The following GFOD1 variants were observed in gnomAD, a reference collection of about 807,000 sequenced individuals.
The protein encoded by GFOD1 is glucose-fructose oxidoreductase domain-containing protein 1.
GFOD1 carries 9 observed loss-of-function variants against 25.4 expected under a neutral mutation model. The observed-to-expected ratio is 0.35, with a 90% CI of 0.21 to 0.62. The LOEUF (loss-of-function observed/expected upper bound fraction) is 0.62, where lower values mean the gene tolerates loss of function less well. Ranked by LOEUF, GFOD1 falls within the 20% of genes least tolerant of loss-of-function variation. GFOD1 has a pLI of 0.72. For synonymous variants in GFOD1, 253 were observed against 245.6 expected, an observed-to-expected ratio of 1.03 and a Z score of -0.28; for missense variants, 403 against 556.9, an observed-to-expected ratio of 0.72 and a Z score of 2.78.
At chr6:13,462,092 GTCACTTCCTCAGAC>G (rs1161028975) in intron 1 of GFOD1, among the ~76,000 whole-genome samples, 1 of 152,202 alleles carries the variant, frequency 6.6e-6, no homozygotes, top group Non-Finnish European at 1.5e-5. Context: ...CAAGTGAAGA[GTCACTTCCTCAGAC>G]TGTAGTGGTA....
chr6:13,469,745 A>G (rs1584670342), intron 1 of GFOD1: 1 of 1,159,240 alleles, frequency 8.6e-7, no homozygotes, highest in East Asian at 5.9e-5. Flanking sequence ...AAAATAATAC[A>G]TGTCACAGAA....
chr6:13,364,120 G>A lies in GFOD1; in HGVS notation c.*623C>T, dbSNP rs1784993125. On this transcript the variant is annotated 3_prime_UTR_variant, in exon 2 of 2. Coordinates refer to ENST00000379287, the MANE Select transcript of GFOD1 (RefSeq NM_018988.4). This position sits in a 1 kb window ranked among gnomAD's most constrained non-coding sequence, Gnocchi z 4.1. ...AACCAAGTACAAAGACACACCCTCA[G>A]TGCTTCCTATGAGGAAGCCCAATCA... 6.6e-6 allele frequency: 1 copy of A among 152,460 alleles called. No individual in the cohort carries two copies. Among genetic ancestry groups the A allele is most frequent in the South Asian group, 2.1e-4 (1 of 4,830 alleles). The allele number at this position is 152,460 out of a possible 1,614,324, so 9.4% of individuals were successfully genotyped here.
intron 1 of GFOD1, chr6:13,470,333 A>C: frequency 1.3e-6 from 2 of 1,568,628 alleles, no homozygotes; most frequent in African/African-American, 2.7e-5. Flanking sequence ...ATGTGCAGCT[A>C]AATCTCAGTT....
chr6:13,387,408 G>C (rs1040207824), intron 1 of GFOD1, among the ~76,000 whole-genome samples: 1 of 152,142 alleles, frequency 6.6e-6, no homozygotes, highest in African/African-American at 2.4e-5. Flanking sequence ...ACATCAAAAA[G>C]CTTATCCACC....
intron 1 of GFOD1, among the ~76,000 whole-genome samples, chr6:13,371,927 G>A (rs1785162386): frequency 1.3e-5 from 2 of 152,232 alleles, no homozygotes; most frequent in African/African-American, 2.4e-5. Context: ...GTGACCACGG[G>A]TGAGTGGCAG....
intron 1 of GFOD1, chr6:13,486,203 C>G: frequency 2.0e-6 from 2 of 994,512 alleles, no homozygotes; most frequent in South Asian, 9.1e-5. Flanking sequence ...CGCGCACTCG[C>G]CTCTCCCAGG....
chr6:13,443,420 C>T (rs1757949194), intron 1 of GFOD1, among the ~76,000 whole-genome samples: 1 of 152,214 alleles, frequency 6.6e-6, no homozygotes, highest in Non-Finnish European at 1.5e-5. Flanking sequence ...AGAAGTTCTA[C>T]TGTGGGTAAA....
intron 1 of GFOD1, among the ~76,000 whole-genome samples, chr6:13,465,599 C>T (rs1165872059): frequency 6.6e-6 from 1 of 152,202 alleles, no homozygotes; most frequent in Non-Finnish European, 1.5e-5. Flanking sequence ...CTCAGAGACG[C>T]TGATGTAACC....
At chr6:13,429,711 C>T (rs929263417) in intron 1 of GFOD1, among the ~76,000 whole-genome samples, 1 of 152,094 alleles carries the variant, frequency 6.6e-6, no homozygotes, top group African/African-American at 2.4e-5. Context: ...TGGCAAAGAG[C>T]ATCTTTCTTA....
intron 1 of GFOD1, among the ~76,000 whole-genome samples, chr6:13,424,265 G>A (rs1303431313): frequency 6.6e-6 from 1 of 152,172 alleles, no homozygotes; most frequent in African/African-American, 2.4e-5. Context: ...CAATGGGTTG[G>A]AGGCTGCCCT....
intron 1 of GFOD1, among the ~76,000 whole-genome samples, chr6:13,458,541 T>G (rs1442435027): frequency 6.6e-6 from 1 of 152,036 alleles, no homozygotes; most frequent in East Asian, 1.9e-4. Context: ...GACCTTGATT[T>G]CAGTCCCAGA....
At chr6:13,382,299 T>C (rs1026533728) in intron 1 of GFOD1, among the ~76,000 whole-genome samples, 9 of 148,970 alleles carry the variant, frequency 6.0e-5, no homozygotes, top group South Asian at 4.4e-4. Flanking sequence ...GTAGCTCTCA[T>C]AATTCCCAGG....
rs1229509780 is a variant in GFOD1, at chr6:13,487,482, G to C, written c.-592C>G. ...TGCGGCCCGGAGCGCGCCGGACTGGGATCCCGAGCTGCAGCGCGGCAGCGG... is the reference window on the plus strand; with the variant it reads ...TGCGGCCCGGAGCGCGCCGGACTGGCATCCCGAGCTGCAGCGCGGCAGCGG... On this transcript the variant is annotated 5_prime_UTR_variant, in exon 1 of 2. It adds an upstream start codon to the 5' untranslated region. Transcript: ENST00000379287. The surrounding 1 kb of genome is among the most constrained non-coding windows in gnomAD (Gnocchi z 4.9). The C allele has an allele frequency of 6.6e-6, 1 of 151,972 alleles. No individual in the cohort carries two copies. The highest frequency in any genetic ancestry group is 1.5e-5 in the Non-Finnish European group (1 of 67,988). The allele number at this position is 151,972 out of a possible 1,614,324, so 9.4% of individuals were successfully genotyped here. A position where few individuals can be genotyped will look rare whatever the true frequency, so the allele number is the denominator to read the frequency against.
At chr6:13,440,411 G>C (rs1408542028) in intron 1 of GFOD1, among the ~76,000 whole-genome samples, 1 of 152,018 alleles carries the variant, frequency 6.6e-6, no homozygotes, top group Admixed American at 6.6e-5. Context: ...GGCTGGTCTC[G>C]AACTCCTGAC....
intron 1 of GFOD1, among the ~76,000 whole-genome samples, chr6:13,373,558 T>C (rs563803452): frequency 1.3e-5 from 2 of 152,022 alleles, no homozygotes; most frequent in South Asian, 4.2e-4. Context: ...CAAAGACAAA[T>C]CTCTGGTTTC....
At chr6:13,384,253 A>G (rs753974653) in intron 1 of GFOD1, among the ~76,000 whole-genome samples, 31 of 152,202 alleles carry the variant, frequency 2.0e-4, no homozygotes, top group Non-Finnish European at 1.5e-4. Flanking sequence ...AAACTAAACT[A>G]AAATAAAACA....
Position 13,359,141 on chromosome 6 carries a change from G to A in GFOD1, c.*5602C>T, listed in dbSNP as rs1397811826. Reference sequence around the variant, plus strand: ...AGAAGCCCCAGTCAGTCTGGGTGGGGGGTCCCCTGAAACTCAGAGCACGCT... The same window carrying A: ...AGAAGCCCCAGTCAGTCTGGGTGGGAGGTCCCCTGAAACTCAGAGCACGCT... On this transcript the variant is annotated 3_prime_UTR_variant, in exon 2 of 2. Transcript: ENST00000379287. 1 of 152,322 alleles carries A rather than the reference G, an allele frequency of 6.6e-6. No individual in the cohort carries two copies. Among genetic ancestry groups the A allele is most frequent in the East Asian group, 1.9e-4 (1 of 5,198 alleles). The allele number at this position is 152,322 out of a possible 1,614,324, so 9.4% of individuals were successfully genotyped here.
chr6:13,465,369 G>A (rs761085039), intron 1 of GFOD1, among the ~76,000 whole-genome samples: 1 of 152,280 alleles, frequency 6.6e-6, no homozygotes, highest in Non-Finnish European at 1.5e-5. Context: ...AAATCTTGTT[G>A]CTCAAAGCTT....
chr6:13,392,092 C>A (rs1387936080), intron 1 of GFOD1, among the ~76,000 whole-genome samples: 1 of 152,116 alleles, frequency 6.6e-6, no homozygotes, highest in African/African-American at 2.4e-5. Flanking sequence ...AGGCTGGGTG[C>A]AGTGGCTCAT....
Sources: allele counts gnomAD v4.1 joint callset (sites outside exome capture counted in the v4.1 genomes callset), GRCh38; gene constraint gnomAD v4.1.1; non-coding constraint Gnocchi (gnomAD v3.1); transcripts MANE v1.5; gene names NCBI Gene and HGNC (gene_info 2026-07-23, HGNC 2026-07-21).